PALLD: variants seen among roughly 807,000 people sequenced by gnomAD.
PALLD encodes the protein palladin, cytoskeletal associated protein.
Under a neutral mutation model 123.5 loss-of-function variants are expected in PALLD, and 61 were observed. The ratio of observed to expected loss-of-function variants is 0.49; its 90% CI spans 0.40 to 0.61. The LOEUF is 0.61. PALLD is among the 20% of genes least tolerant of loss of function. The pLI is 0.00. For synonymous variants in PALLD, 465 were observed against 496.4 expected, an observed-to-expected ratio of 0.94 and a Z score of 0.84; for missense variants, 1,273 against 1,377.0, an observed-to-expected ratio of 0.92 and a Z score of 1.20.
chr4:168,832,162 G>A (rs1165688061), intron 10 of PALLD: 2 of 985,418 alleles, frequency 2.0e-6, no homozygotes, highest in Non-Finnish European at 2.4e-6. Context: ...AGGCGGCCCG[G>A]AGAGCCGAGG....
intron 2 of PALLD, among the ~76,000 whole-genome samples, chr4:168,617,794 C>G (rs570729629): frequency 3.3e-5 from 5 of 152,200 alleles, no homozygotes; most frequent in Admixed American, 3.3e-4. Flanking sequence ...CAAATTTTCT[C>G]AATAAATGGC....
At chr4:168,888,414 G>GT (rs1753670081) in intron 10 of PALLD, among the ~76,000 whole-genome samples, 1 of 152,144 alleles carries the variant, frequency 6.6e-6, no homozygotes, top group Admixed American at 6.5e-5. Context: ...TCCATGGTAG[G>GT]TTAAGACAGT....
intron 8 of PALLD, among the ~76,000 whole-genome samples, chr4:168,702,245 T>C (rs1257728175): frequency 6.6e-6 from 1 of 152,006 alleles, no homozygotes; most frequent in African/African-American, 2.4e-5. Flanking sequence ...AAAAAGAACA[T>C]GTGCTCTAGA....
rs994017017 is a variant in PALLD at position 168,686,029 on chromosome 4, C to CT, written c.1335+478dup. On this transcript the variant is annotated intron_variant, in intron 6 of 21. Coordinates refer to ENST00000505667, the MANE Select transcript of PALLD (RefSeq NM_001166108.2). The stretch of plus-strand genomic sequence containing the variant: ...TCTCTTTCTTTTTCCTTTTTCCTTC[C>CT]TTTTTTTTAGAGAAAATTATAAAAC... Among the ~76,000 whole-genome samples the CT allele has an allele frequency of 1.0e-3, 154 of 151,408 alleles. 3 individuals are homozygous for CT. Among genetic ancestry groups the CT allele is most frequent in the South Asian group, 2.9e-3 (14 of 4,768 alleles).
At chr4:168,877,852 C>T (rs1158155885) in intron 10 of PALLD, 1 of 1,375,054 alleles carries the variant, frequency 7.3e-7, no homozygotes. Context: ...CCGCCTTCCC[C>T]GAGCTCGCGG....
chr4:168,728,487 G>A (rs1241615466), intron 10 of PALLD, among the ~76,000 whole-genome samples: 1 of 152,066 alleles, frequency 6.6e-6, no homozygotes, highest in African/African-American at 2.4e-5. Context: ...TTGTGTTCTT[G>A]ATTTGACTTT....
intron 10 of PALLD, among the ~76,000 whole-genome samples, chr4:168,868,499 C>T (rs935418846): frequency 6.6e-6 from 1 of 152,204 alleles, no homozygotes; most frequent in Non-Finnish European, 1.5e-5. Context: ...CAACCATTGG[C>T]CTCATTCTCC....
At chr4:168,804,878 A>G (rs1378017772) in intron 10 of PALLD, among the ~76,000 whole-genome samples, 1 of 151,968 alleles carries the variant, frequency 6.6e-6, no homozygotes, top group African/African-American at 2.4e-5. Flanking sequence ...TCCCAAAGCG[A>G]GGCCGGGTGT....
chr4:168,885,809 A>T (rs900877363), intron 10 of PALLD, among the ~76,000 whole-genome samples: 12 of 152,204 alleles, frequency 7.9e-5, no homozygotes, highest in Admixed American at 2.0e-4. Flanking sequence ...GTAGATTGTG[A>T]TGCTCATTCC....
At chr4:168,874,742 C>A (rs533127238) in intron 10 of PALLD, among the ~76,000 whole-genome samples, 318 of 152,106 alleles carry the variant, frequency 2.1e-3, no homozygotes, top group Non-Finnish European at 3.8e-3. Context: ...CAGGTTCTAA[C>A]CTGGCTCTGC....
intron 10 of PALLD, among the ~76,000 whole-genome samples, chr4:168,862,465 T>A (rs879267936): frequency 6.6e-6 from 1 of 152,230 alleles, no homozygotes; most frequent in African/African-American, 2.4e-5. Flanking sequence ...AGTTTTATTA[T>A]GACTACTGTA....
At chr4:168,644,456 C>G (rs1444612780) in intron 2 of PALLD, among the ~76,000 whole-genome samples, 1 of 152,202 alleles carries the variant, frequency 6.6e-6, no homozygotes, top group Non-Finnish European at 1.5e-5. Flanking sequence ...CAGACCATAT[C>G]ACTGAATCCA....
rs184260823 is a variant in PALLD, at chr4:168,726,609, C to T, written c.1964+14686C>T. On this transcript the variant is annotated intron_variant, in intron 10 of 21. Coordinates refer to ENST00000505667, the MANE Select transcript of PALLD (RefSeq NM_001166108.2). Reference sequence around the variant, plus strand: ...TGTTGCCCAGGCTGGTTTCAAACTCCTGGCTTCAAGCGATCCTCTAGCCTT... The same window carrying T: ...TGTTGCCCAGGCTGGTTTCAAACTCTTGGCTTCAAGCGATCCTCTAGCCTT... Among the ~76,000 whole-genome samples, 312 of 152,106 alleles carry T rather than the reference C, an allele frequency of 2.1e-3. 1 individual carries two copies. Among genetic ancestry groups the T allele is most frequent in the Non-Finnish European group, 2.1e-3 (143 of 67,980 alleles).
intron 9 of PALLD, among the ~76,000 whole-genome samples, chr4:168,711,319 T>C (rs1414273369): frequency 6.6e-6 from 1 of 152,242 alleles, no homozygotes; most frequent in Non-Finnish European, 1.5e-5. Context: ...AGCTCTTGTT[T>C]GGAATTTTTA....
At chr4:168,719,571 T>C (rs1785777395) in intron 10 of PALLD, among the ~76,000 whole-genome samples, 1 of 152,158 alleles carries the variant, frequency 6.6e-6, no homozygotes, top group Non-Finnish European at 1.5e-5. Flanking sequence ...AAAGTATTAT[T>C]TAAAAAAGTT....
At chr4:168,713,092 G>A (rs1335433007) in intron 10 of PALLD, among the ~76,000 whole-genome samples, 2 of 152,122 alleles carry the variant, frequency 1.3e-5, no homozygotes, top group African/African-American at 2.4e-5. Flanking sequence ...ACAATCTTGG[G>A]TTGCAGTTTC....
intron 2 of PALLD, among the ~76,000 whole-genome samples, chr4:168,616,980 A>ATGG (rs1187058540): frequency 6.6e-6 from 1 of 152,180 alleles, no homozygotes; most frequent in African/African-American, 2.4e-5. Context: ...CACCATGGAG[A>ATGG]TGCAAGCATA....
intron 8 of PALLD, among the ~76,000 whole-genome samples, chr4:168,695,247 G>C (rs1581011960): frequency 6.6e-6 from 1 of 152,106 alleles, no homozygotes; most frequent in African/African-American, 2.4e-5. Context: ...ATGTACTAAG[G>C]TGCTGTTGTA....
intron 2 of PALLD, among the ~76,000 whole-genome samples, chr4:168,556,028 G>C (rs546780584): frequency 3.3e-5 from 5 of 152,196 alleles, no homozygotes; most frequent in African/African-American, 1.2e-4. Flanking sequence ...AGAGAGAAAA[G>C]GTTTAAGACC....
Sources: allele counts gnomAD v4.1 joint callset (sites outside exome capture counted in the v4.1 genomes callset), GRCh38; gene constraint gnomAD v4.1.1; transcripts MANE v1.5; gene names NCBI Gene and HGNC (gene_info 2026-07-23, HGNC 2026-07-21).